The following ADAMTSL1 variants were observed in gnomAD, a reference collection of about 807,000 sequenced individuals.
ADAMTSL1 encodes ADAMTS like 1, also known as ADAMTS-like protein 1.
ADAMTSL1 carries 126 observed loss-of-function variants against 201.8 expected under a neutral mutation model. The observed-to-expected ratio is 0.62, with a 90% CI of 0.54 to 0.72. The LOEUF is 0.72. ADAMTSL1 is among the 30% of genes least tolerant of loss of function. The probability of loss-of-function intolerance (pLI) is 0.00; values close to 1 mark genes in which losing one functional copy is unlikely to be tolerated. For missense variants in ADAMTSL1, 2,679 were observed against 2,277.8 expected, an observed-to-expected ratio of 1.18 and a Z score of -3.59; for synonymous variants, 1,121 against 903.4, an observed-to-expected ratio of 1.24 and a Z score of -4.32.
chr9:18,433,149 T>C (rs919562778), intron 2 of ADAMTSL1, among the ~76,000 whole-genome samples: 1 of 152,130 alleles, frequency 6.6e-6, no homozygotes, highest in African/African-American at 2.4e-5. Flanking sequence ...TAGGCTTTTA[T>C]AAACCCTTCC....
At chr9:18,615,540 T>C (rs1587712640) in intron 4 of ADAMTSL1, among the ~76,000 whole-genome samples, 1 of 152,208 alleles carries the variant, frequency 6.6e-6, no homozygotes, top group East Asian at 1.9e-4. Context: ...TTTTCATGGT[T>C]AATGGGCATC....
At chr9:18,692,077 C>T (rs1281438921) in intron 13 of ADAMTSL1, among the ~76,000 whole-genome samples, 1 of 152,132 alleles carries the variant, frequency 6.6e-6, no homozygotes, top group African/African-American at 2.4e-5. Flanking sequence ...GGGTTCCCAG[C>T]TTACACCACC....
chr9:18,189,294 C>A (rs1433322390), intron 2 of ADAMTSL1, among the ~76,000 whole-genome samples: 2 of 152,090 alleles, frequency 1.3e-5, no homozygotes, highest in Non-Finnish European at 2.9e-5. Flanking sequence ...AGTCACACTG[C>A]AAATTTGTTT....
At position 18,889,841 on chromosome 9, in the gene ADAMTSL1, G is replaced by T. The variant is rs547316918; in HGVS notation, c.4643+93G>T. 9 of 1,253,814 alleles carry T rather than the reference G, an allele frequency of 7.2e-6. No homozygotes were observed. The African/African-American group carries it at 1.1e-4, about 15-fold the overall frequency. 77.7% of individuals were successfully genotyped at this position (1,253,814 alleles called of 1,614,324 possible). On this transcript the variant is annotated intron_variant, in intron 25 of 28. Coordinates refer to ENST00000380548, the MANE Select transcript of ADAMTSL1 (RefSeq NM_001040272.6). ...GTGGCCAGCCCTTCAGTAGCACTGTGCAGGGAGAGATGCCAGCCAAGGAGC... is the reference window on the plus strand; with the variant it reads ...GTGGCCAGCCCTTCAGTAGCACTGTTCAGGGAGAGATGCCAGCCAAGGAGC...
intron 13 of ADAMTSL1, among the ~76,000 whole-genome samples, chr9:18,699,045 T>C (rs538254866): frequency 7.9e-5 from 12 of 152,328 alleles, no homozygotes; most frequent in Non-Finnish European, 1.5e-4. Flanking sequence ...TCTGGATGAA[T>C]TGGAACTTTC....
intron 16 of ADAMTSL1, among the ~76,000 whole-genome samples, chr9:18,769,795 C>CAAAT (rs1330159778): frequency 6.6e-6 from 1 of 152,174 alleles, no homozygotes. Flanking sequence ...GGGAGATTGA[C>CAAAT]AAATATAGTC....
chr9:18,772,895 G>C (rs1177489181), intron 17 of ADAMTSL1, among the ~76,000 whole-genome samples: 1 of 152,186 alleles, frequency 6.6e-6, no homozygotes, highest in Non-Finnish European at 1.5e-5. Context: ...AATGTTACTA[G>C]CTTCTGAGCT....
At chr9:18,482,266 T>TC (rs1208371402) in intron 1 of ADAMTSL1, among the ~76,000 whole-genome samples, 1 of 152,244 alleles carries the variant, frequency 6.6e-6, no homozygotes, top group Non-Finnish European at 1.5e-5. Context: ...TCTAATAGTT[T>TC]CACCACCTGT....
chr9:18,621,853 T>G (rs1313954824), intron 4 of ADAMTSL1, among the ~76,000 whole-genome samples: 4 of 152,142 alleles, frequency 2.6e-5, no homozygotes, highest in African/African-American at 9.7e-5. Flanking sequence ...CATTACCTCT[T>G]GGTTGTAGTT....
chr9:18,309,916 C>A (rs926368130), intron 2 of ADAMTSL1, among the ~76,000 whole-genome samples: 3 of 152,066 alleles, frequency 2.0e-5, no homozygotes, highest in Non-Finnish European at 4.4e-5. Flanking sequence ...GTGGAGGCAT[C>A]ATGCTACCTA....
chr9:18,853,897 G>C (rs925193855), intron 23 of ADAMTSL1, among the ~76,000 whole-genome samples: 1 of 115,008 alleles, frequency 8.7e-6, no homozygotes, highest in Non-Finnish European at 2.0e-5. Context: ...CTCTGTGTGT[G>C]TGTGTGTGTG....
intron 1 of ADAMTSL1, among the ~76,000 whole-genome samples, chr9:18,498,836 G>A (rs1822677743): frequency 6.6e-6 from 1 of 152,172 alleles, no homozygotes; most frequent in Non-Finnish European, 1.5e-5. Context: ...ACCTGACCTG[G>A]GTCATTGTGA....
chr9:18,383,722 G>A (rs1423659526), intron 2 of ADAMTSL1, among the ~76,000 whole-genome samples: 2 of 152,292 alleles, frequency 1.3e-5, no homozygotes, highest in East Asian at 3.9e-4. Context: ...GTCCTACCTT[G>A]AGGCTACAAA....
intron 1 of ADAMTSL1, among the ~76,000 whole-genome samples, chr9:17,943,707 A>G (rs1827336892): frequency 2.0e-5 from 3 of 152,132 alleles, no homozygotes; most frequent in African/African-American, 7.2e-5. Context: ...GTGCTATTTT[A>G]CATTAAATTC....
intron 1 of ADAMTSL1, among the ~76,000 whole-genome samples, chr9:18,055,099 A>G (rs1033158243): frequency 9.8e-5 from 15 of 152,332 alleles, no homozygotes; most frequent in African/African-American, 3.1e-4. Flanking sequence ...GGGCATGCAC[A>G]TGGTCTCTGC....
intron 15 of ADAMTSL1, among the ~76,000 whole-genome samples, chr9:18,742,060 A>T (rs1234297954): frequency 1.3e-5 from 2 of 152,108 alleles, no homozygotes; most frequent in Non-Finnish European, 2.9e-5. Flanking sequence ...CCCTCTGTGC[A>T]TGTCTGTCAT....
chr9:18,185,560 A>T (rs956273113), intron 2 of ADAMTSL1, among the ~76,000 whole-genome samples: 22 of 152,208 alleles, frequency 1.4e-4, no homozygotes, highest in African/African-American at 5.1e-4. Context: ...AAACTAACAC[A>T]ATTGGTTTCT....
At chr9:17,981,410 A>G (rs1005895079) in intron 1 of ADAMTSL1, among the ~76,000 whole-genome samples, 5 of 152,142 alleles carry the variant, frequency 3.3e-5, no homozygotes, top group African/African-American at 4.8e-5. Flanking sequence ...AGTCCTAGTT[A>G]TTTTGGTCAT....
chr9:18,484,075 A>T (rs1234184928), intron 1 of ADAMTSL1, among the ~76,000 whole-genome samples: 4 of 152,218 alleles, frequency 2.6e-5, no homozygotes, highest in African/African-American at 9.6e-5. Context: ...GAGAAGTGCT[A>T]GCTTTCTTTC....
Sources: allele counts gnomAD v4.1 joint callset (sites outside exome capture counted in the v4.1 genomes callset), GRCh38; gene constraint gnomAD v4.1.1; transcripts MANE v1.5; gene names NCBI Gene and HGNC (gene_info 2026-07-23, HGNC 2026-07-21).